Variants in SGCZ observed in about 807,000 individuals in gnomAD.
SGCZ encodes zeta-sarcoglycan.
Under a neutral mutation model 41.3 loss-of-function variants are expected in SGCZ, and 40 were observed. The ratio of observed to expected loss-of-function variants is 0.97; its 90% CI spans 0.75 to 1.26. The LOEUF is 1.26. Ranked by LOEUF, SGCZ falls within the 50% of genes most tolerant of loss-of-function variation. The pLI, the probability that SGCZ is intolerant of heterozygous loss-of-function variation, is 0.00. For missense variants in SGCZ, 552 were observed against 369.8 expected (o/e 1.49, Z -4.04); for synonymous variants, 206 against 137.5 (o/e 1.50, Z -3.49).
intron 1 of SGCZ, among the ~76,000 whole-genome samples, chr8:14,580,336 G>C: frequency 1.3e-5 from 2 of 152,094 alleles, no homozygotes; most frequent in East Asian, 3.9e-4. Flanking sequence ...AGTTATCTGG[G>C]TAAGTTTCAA....
chr8:15,030,577 A>G (rs1285995025), intron 1 of SGCZ, among the ~76,000 whole-genome samples: 2 of 152,140 alleles, frequency 1.3e-5, no homozygotes, highest in Non-Finnish European at 2.9e-5. Flanking sequence ...AAAATGTTCT[A>G]TGTGATCTGA....
intron 1 of SGCZ, among the ~76,000 whole-genome samples, chr8:14,768,439 C>A (rs1800114806): frequency 6.6e-6 from 1 of 152,176 alleles, no homozygotes; most frequent in Admixed American, 6.5e-5. Context: ...ATGACTTAAG[C>A]ACTGTGGGGA....
At chr8:14,663,061 C>A (rs1205459059) in intron 1 of SGCZ, among the ~76,000 whole-genome samples, 1 of 152,098 alleles carries the variant, frequency 6.6e-6, no homozygotes, top group Non-Finnish European at 1.5e-5. Flanking sequence ...TGCAGTTCTG[C>A]CAACAACTTG....
chr8:14,913,083 A>C (rs1189053075), intron 1 of SGCZ, among the ~76,000 whole-genome samples: 1 of 152,092 alleles, frequency 6.6e-6, no homozygotes, highest in Admixed American at 6.6e-5. Context: ...AATAAATAGA[A>C]AGAAAAAAAT....
At chr8:14,428,170 A>T (rs67240866) in intron 2 of SGCZ, among the ~76,000 whole-genome samples, 80,506 of 151,090 alleles carry the variant, frequency 0.53, 23,474 homozygotes, top group East Asian at 0.79. Context: ...ACACATACAC[A>T]CATGCATATA....
intron 1 of SGCZ, among the ~76,000 whole-genome samples, chr8:15,006,855 T>C (rs1426464506): frequency 2.0e-5 from 3 of 152,234 alleles, no homozygotes; most frequent in South Asian, 2.1e-4. Context: ...GGATTTTAAA[T>C]GTGCCTCTTT....
chr8:15,214,144 T>A (rs1585680959), intron 1 of SGCZ, among the ~76,000 whole-genome samples: 1 of 152,080 alleles, frequency 6.6e-6, no homozygotes, highest in East Asian at 1.9e-4. Flanking sequence ...TCAATTTTTA[T>A]ATAATAATAA....
intron 3 of SGCZ, among the ~76,000 whole-genome samples, chr8:14,273,275 T>G (rs1487867173): frequency 6.6e-6 from 1 of 152,182 alleles, no homozygotes; most frequent in Admixed American, 6.5e-5. Context: ...AGTGCTGCCA[T>G]TTTAATTACA....
intron 3 of SGCZ, among the ~76,000 whole-genome samples, chr8:14,251,354 C>T (rs924079603): frequency 1.3e-5 from 2 of 152,190 alleles, no homozygotes; most frequent in African/African-American, 4.8e-5. Flanking sequence ...CACCGGCCAA[C>T]TTTTATTTTC....
intron 1 of SGCZ, among the ~76,000 whole-genome samples, chr8:14,860,235 G>T (rs963949629): frequency 6.7e-6 from 1 of 148,732 alleles, no homozygotes; most frequent in Non-Finnish European, 1.5e-5. Context: ...TATGACCTTC[G>T]TTCGAAAATG....
chr8:14,440,697 G>A (rs201347641), intron 2 of SGCZ, among the ~76,000 whole-genome samples: 2,548 of 65,858 alleles, frequency 0.039, 112 homozygotes, highest in Middle Eastern at 0.059. Flanking sequence ...ACACGTATAT[G>A]TATATATGTA....
chr8:14,981,747 T>C (rs532604127), intron 1 of SGCZ, among the ~76,000 whole-genome samples: 5 of 152,346 alleles, frequency 3.3e-5, no homozygotes, highest in African/African-American at 1.2e-4. Flanking sequence ...GCTCCGCTTA[T>C]AGCCCCAAAG....
intron 3 of SGCZ, among the ~76,000 whole-genome samples, chr8:14,259,513 T>A (rs1025481879): frequency 1.3e-5 from 2 of 148,364 alleles, no homozygotes; most frequent in African/African-American, 4.9e-5. Context: ...GGATCCAGTT[T>A]CAGCTTTCTA....
chr8:14,861,698 A>T (rs1803751899), intron 1 of SGCZ, among the ~76,000 whole-genome samples: 1 of 152,054 alleles, frequency 6.6e-6, no homozygotes, highest in Non-Finnish European at 1.5e-5. Flanking sequence ...TGCTTGAACA[A>T]GTGGTCTTGC....
At chr8:14,256,290 T>C (rs1041945043) in intron 3 of SGCZ, among the ~76,000 whole-genome samples, 1 of 152,112 alleles carries the variant, frequency 6.6e-6, no homozygotes, top group Non-Finnish European at 1.5e-5. Flanking sequence ...GTATGAGACA[T>C]AGATTTTTGC....
At chr8:14,196,350 G>A (rs1441931197) in intron 4 of SGCZ, among the ~76,000 whole-genome samples, 2 of 150,990 alleles carry the variant, frequency 1.3e-5, no homozygotes, top group African/African-American at 2.4e-5. Flanking sequence ...AGCAACTTCC[G>A]CCTCCTGGGT....
chr8:14,855,637 A>T (rs1803521861), intron 1 of SGCZ, among the ~76,000 whole-genome samples: 2 of 152,208 alleles, frequency 1.3e-5, no homozygotes, highest in African/African-American at 2.4e-5. Context: ...TATCAAAAAT[A>T]CTTAAAGAAA....
At chr8:14,515,044 CAT>C (rs1802581274) in intron 2 of SGCZ, among the ~76,000 whole-genome samples, 1 of 151,924 alleles carries the variant, frequency 6.6e-6, no homozygotes, top group Non-Finnish European at 1.5e-5. Flanking sequence ...CAACCATAAA[CAT>C]AGTATGTGTA....
chr8:15,162,419 A>C (rs1481337309), intron 1 of SGCZ, among the ~76,000 whole-genome samples: 2 of 152,208 alleles, frequency 1.3e-5, no homozygotes, highest in Non-Finnish European at 2.9e-5. Flanking sequence ...TTTCTTTCTT[A>C]CAGCTACTTG....
Sources: allele counts gnomAD v4.1 joint callset (sites outside exome capture counted in the v4.1 genomes callset), GRCh38; gene constraint gnomAD v4.1.1; transcripts MANE v1.5; gene names NCBI Gene and HGNC (gene_info 2026-07-23, HGNC 2026-07-21).